The following LARP4B variants were observed in gnomAD, a reference collection of about 807,000 sequenced individuals.
The protein encoded by LARP4B is la-related protein 4B.
A neutral mutation model predicts 89.8 loss-of-function variants in LARP4B; 12 were observed. The observed-to-expected ratio is 0.13, with a 90% CI of 0.09 to 0.22. The LOEUF (loss-of-function observed/expected upper bound fraction) is 0.22, where lower values mean the gene tolerates loss of function less well. LARP4B is among the 10% of genes least tolerant of loss of function. LARP4B has a pLI of 1.00. For missense variants in LARP4B, 757 were observed against 947.7 expected, an observed-to-expected ratio of 0.80 and a Z score of 2.64; for synonymous variants, 367 against 363.3, an observed-to-expected ratio of 1.01 and a Z score of -0.12.
chr10:884,478 G>A lies in LARP4B; in HGVS notation c.110C>T (p.Ser37Phe). The change falls in exon 3 of 18, where the codon TCT becomes TTT. Residue 37 changes from serine (S) to phenylalanine (F), a missense_variant. Transcript: ENST00000316157. ...CAAAGGTGGGATGGAACTTGTCTGA[G>A]AAGTGGTTTGAGATATAGGACCATT... ...LMNGPISQTT[S>F]QTSSIPPLSQ... is the part of the protein sequence containing the mutation. 1 of 1,607,148 alleles carries A rather than the reference G, an allele frequency of 6.2e-7. No homozygotes were observed.
chr10:839,110 G>A (rs909062783), intron 7 of LARP4B, among the ~76,000 whole-genome samples: 7 of 152,194 alleles, frequency 4.6e-5, no homozygotes, highest in Admixed American at 4.6e-4. Context: ...GACTGGGGGA[G>A]GCAGGGATGC....
At chr10:935,738 T>G (rs1156992195), upstream of LARP4B, among the ~76,000 whole-genome samples, 224 of 146,094 alleles carry the variant, frequency 1.5e-3, no homozygotes, top group Non-Finnish European at 2.9e-3. Flanking sequence ...TTTTTTTTTT[T>G]TTTTGAGTCT....
chr10:887,589 T>C (rs959615250), intron 1 of LARP4B, among the ~76,000 whole-genome samples: 7 of 151,336 alleles, frequency 4.6e-5, no homozygotes, highest in African/African-American at 1.5e-4. Context: ...CGGGCACCTG[T>C]AGTCCCAGCT....
At chr10:821,670 T>C (rs1832358556) in intron 13 of LARP4B, among the ~76,000 whole-genome samples, 1 of 152,222 alleles carries the variant, frequency 6.6e-6, no homozygotes, top group African/African-American at 2.4e-5. Context: ...AGTTAAGAAA[T>C]AGTCTTGACT....
chr10:987,512 C>T, the LARP4B span: 1 of 152,224 alleles, frequency 6.6e-6, no homozygotes, highest in African/African-American at 2.4e-5. Context: ...AGCTGCACAA[C>T]CACGGGGTGC....
chr10:854,671 G>T (rs569510965), intron 5 of LARP4B, among the ~76,000 whole-genome samples: 1 of 151,714 alleles, frequency 6.6e-6, no homozygotes, highest in Admixed American at 6.6e-5. Context: ...AGGCTTTGTT[G>T]TTCCACTTAA....
intron 11 of LARP4B, among the ~76,000 whole-genome samples, chr10:827,068 G>C (rs990790635): frequency 3.3e-5 from 5 of 152,154 alleles, no homozygotes; most frequent in African/African-American, 4.8e-5. Context: ...AAGGTCAGGA[G>C]ATCAAGACCA....
At chr10:930,476 G>C (rs11253521) in intron 1 of LARP4B, among the ~76,000 whole-genome samples, 28,525 of 152,174 alleles carry the variant, frequency 0.19, 2,901 homozygotes, top group Non-Finnish European at 0.23. Flanking sequence ...CTACAGCTAG[G>C]TTTCTCAAGT....
the LARP4B span, among the ~76,000 whole-genome samples, chr10:941,438 T>C: frequency 6.6e-6 from 1 of 152,138 alleles, no homozygotes; most frequent in African/African-American, 2.4e-5. Context: ...CTCAGCCTCC[T>C]GAGTAGCTGG....
In LARP4B at chr10:825,160, C is replaced by A. The variant is rs1440777027; in HGVS notation, c.1389G>T (p.Arg463=). Reference sequence around the variant, plus strand: ...TGGCATATGCTGAAGGGTTTTGAATCCGTGTTCTAGTTTGACCTGCTTGCC... The same window carrying A: ...TGGCATATGCTGAAGGGTTTTGAATACGTGTTCTAGTTTGACCTGCTTGCC... The part of the protein sequence containing the change: ...QTRQAGQTRT[R]IQNPSAYAKR... The change falls in exon 13 of 18, where the codon CGG becomes CGT. Residue 463 remains arginine (R), a synonymous_variant. Coordinates refer to ENST00000316157, the MANE Select transcript of LARP4B (RefSeq NM_015155.3). 1.9e-6 allele frequency: 3 copies of A among 1,614,086 alleles called. No homozygotes were observed. Among genetic ancestry groups the A allele is most frequent in the Non-Finnish European group, 2.5e-6 (3 of 1,180,046 alleles).
chr10:813,566 T>A (rs1831856301), intron 17 of LARP4B, among the ~76,000 whole-genome samples: 1 of 152,180 alleles, frequency 6.6e-6, no homozygotes, highest in Admixed American at 6.5e-5. Context: ...AACAGAAGGG[T>A]GTCCCAGGTG....
chr10:833,279 A>AAAAAAC (rs1564392142), intron 8 of LARP4B, among the ~76,000 whole-genome samples: 16 of 139,538 alleles, frequency 1.1e-4, no homozygotes, highest in African/African-American at 1.9e-4. Context: ...AAAAAAAAAA[A>AAAAAAC]AAAAACCTCA....
intron 14 of LARP4B, chr10:820,249 A>C (rs1311656588): frequency 6.6e-6 from 1 of 152,414 alleles, no homozygotes; most frequent in Non-Finnish European, 1.5e-5. Context: ...AATCAACCCA[A>C]GCAAAAATCA....
At chr10:817,142 C>A (rs1832106408) in intron 15 of LARP4B, among the ~76,000 whole-genome samples, 1 of 152,180 alleles carries the variant, frequency 6.6e-6, no homozygotes, top group Non-Finnish European at 1.5e-5. Context: ...TGGCAGCCGG[C>A]CAAGTCCCAC....
the LARP4B span, among the ~76,000 whole-genome samples, chr10:981,323 A>G: frequency 6.6e-6 from 1 of 152,068 alleles, no homozygotes; most frequent in South Asian, 2.1e-4. Context: ...AAGTCTTCCA[A>G]CCTCTGCCTA....
chr10:893,327 C>T (rs1836092828), intron 1 of LARP4B, among the ~76,000 whole-genome samples: 1 of 152,120 alleles, frequency 6.6e-6, no homozygotes, highest in Non-Finnish European at 1.5e-5. Context: ...CATGCCTACA[C>T]ATATTCACAC....
intron 1 of LARP4B, among the ~76,000 whole-genome samples, chr10:893,776 G>A (rs939590813): frequency 2.0e-5 from 3 of 152,200 alleles, no homozygotes; most frequent in Non-Finnish European, 4.4e-5. Flanking sequence ...CAAACTAAGG[G>A]AGGGATTCCC....
intron 1 of LARP4B, among the ~76,000 whole-genome samples, chr10:919,304 T>A (rs536665681): frequency 2.4e-4 from 37 of 152,278 alleles, no homozygotes; most frequent in African/African-American, 7.5e-4. Flanking sequence ...GGGTATTACT[T>A]GCAAAAGGCT....
At chr10:821,047 A>C in intron 13 of LARP4B, 1 of 575,228 alleles carries the variant, frequency 1.7e-6, no homozygotes, top group Non-Finnish European at 3.1e-6. Flanking sequence ...CAAGGGACTA[A>C]CGTGGAAGTC....
Sources: gnomAD v4.1 joint callset for allele counts (sites outside exome capture counted in the v4.1 genomes callset) on GRCh38, gnomAD v4.1.1 for gene constraint, MANE v1.5 for transcripts, NCBI Gene and HGNC (gene_info 2026-07-23, HGNC 2026-07-21) for gene names.